CEP85L: variants seen among roughly 807,000 people sequenced by gnomAD.
CEP85L encodes the protein centrosomal protein of 85 kDa-like.
In CEP85L, 60 loss-of-function variants were observed where a neutral mutation model predicts 100.3. That is an observed-to-expected ratio of 0.60 (90% CI 0.49 to 0.74). CEP85L has a LOEUF of 0.74. Ranked by LOEUF, CEP85L falls within the 30% of genes least tolerant of loss-of-function variation. The pLI is 0.00. For synonymous variants in CEP85L, 319 were observed against 322.7 expected (o/e 0.99, Z 0.12); for missense variants, 973 against 936.2 (o/e 1.04, Z -0.51).
At chr6:118,613,027 T>C (rs1186559081) in intron 2 of CEP85L, among the ~76,000 whole-genome samples, 2 of 151,932 alleles carry the variant, frequency 1.3e-5, no homozygotes, top group Non-Finnish European at 2.9e-5. Context: ...GAGACCAGCC[T>C]GACCAACATG....
At chr6:118,586,235 C>A (rs183480702) in intron 2 of CEP85L, among the ~76,000 whole-genome samples, 23 of 152,228 alleles carry the variant, frequency 1.5e-4, no homozygotes, top group Middle Eastern at 3.4e-3. Flanking sequence ...GGCCTTACTA[C>A]GAATAAGAGA....
intron 5 of CEP85L, among the ~76,000 whole-genome samples, chr6:118,495,354 A>G (rs1040615698): frequency 3.3e-5 from 5 of 151,876 alleles, no homozygotes; most frequent in Non-Finnish European, 7.4e-5. Context: ...AATAATCCCT[A>G]TATGTTGAGG....
intron 6 of CEP85L, among the ~76,000 whole-genome samples, chr6:118,486,419 TTTTC>T (rs1774190955): frequency 1.3e-5 from 2 of 152,212 alleles, no homozygotes; most frequent in East Asian, 1.9e-4. Flanking sequence ...ACAAAGTTAC[TTTTC>T]TTTATTATCT....
chr6:118,531,244 A>C (rs1460359091), intron 3 of CEP85L, among the ~76,000 whole-genome samples: 1 of 152,180 alleles, frequency 6.6e-6, no homozygotes, highest in Non-Finnish European at 1.5e-5. Context: ...CAACAAAAAC[A>C]ATCAAAAGAG....
chr6:118,532,179 T>A (rs938625468), intron 3 of CEP85L, among the ~76,000 whole-genome samples: 4 of 152,092 alleles, frequency 2.6e-5, no homozygotes, highest in African/African-American at 9.7e-5. Flanking sequence ...TAATACTACA[T>A]AGCCATAAAA....
At chr6:118,662,854 T>C (rs1247828006) in intron 1 of CEP85L, among the ~76,000 whole-genome samples, 1 of 152,148 alleles carries the variant, frequency 6.6e-6, no homozygotes, top group Non-Finnish European at 1.5e-5. Flanking sequence ...AAGTGGTGCA[T>C]GACGATTTCA....
At chr6:118,652,018 T>A, upstream of CEP85L, 2 of 528,592 alleles carry the variant, frequency 3.8e-6, no homozygotes, top group Non-Finnish European at 4.8e-6. Context: ...GATTGGGATT[T>A]AAATCCTCAT....
intron 3 of CEP85L, among the ~76,000 whole-genome samples, chr6:118,555,389 C>T (rs1444416656): frequency 1.4e-5 from 2 of 147,056 alleles, no homozygotes; most frequent in Non-Finnish European, 3.0e-5. Context: ...GATCGTGCCA[C>T]TGCACTCCAG....
intron 2 of CEP85L, among the ~76,000 whole-genome samples, chr6:118,592,123 T>C (rs1328479008): frequency 2.0e-5 from 3 of 152,166 alleles, no homozygotes; most frequent in African/African-American, 7.2e-5. Flanking sequence ...AATCCTAGTA[T>C]CCTGTTTCTC....
chr6:118,550,155 G>GC (rs1458279649), intron 3 of CEP85L, among the ~76,000 whole-genome samples: 16 of 151,840 alleles, frequency 1.1e-4, no homozygotes, highest in African/African-American at 3.6e-4. Context: ...TTACTAAAAG[G>GC]CGTGACAGCA....
intron 5 of CEP85L, among the ~76,000 whole-genome samples, chr6:118,510,366 G>T (rs955799701): frequency 6.0e-5 from 9 of 151,066 alleles, no homozygotes; most frequent in African/African-American, 1.7e-4. Flanking sequence ...TATATACAGG[G>T]CTCCAAAAAA....
At chr6:118,705,524 G>A (rs1210261643) in intron 1 of CEP85L, among the ~76,000 whole-genome samples, 5 of 152,190 alleles carry the variant, frequency 3.3e-5, no homozygotes, top group African/African-American at 1.2e-4. Flanking sequence ...TTTCCATTAG[G>A]GATCAAGTTA....
intron 1 of CEP85L, among the ~76,000 whole-genome samples, chr6:118,682,137 T>C (rs1414961112): frequency 2.0e-5 from 3 of 152,314 alleles, no homozygotes; most frequent in South Asian, 4.1e-4. Context: ...TTTTTCCATA[T>C]GTAATTAGAA....
chr6:118,534,889 G>GCA (rs1777499767), intron 3 of CEP85L, among the ~76,000 whole-genome samples: 1 of 151,272 alleles, frequency 6.6e-6, no homozygotes, highest in Non-Finnish European at 1.5e-5. Context: ...GTGTGGTGGT[G>GCA]CACACCTGTA....
At chr6:118,649,466 G>C (rs964315048) in intron 1 of CEP85L, among the ~76,000 whole-genome samples, 2 of 152,024 alleles carry the variant, frequency 1.3e-5, no homozygotes, top group Admixed American at 6.6e-5. Context: ...CTTCTTCCTA[G>C]AAAACAATGA....
chr6:118,675,426 T>G (rs180877420), intron 1 of CEP85L, among the ~76,000 whole-genome samples: 7 of 152,188 alleles, frequency 4.6e-5, no homozygotes, highest in Admixed American at 3.3e-4. Flanking sequence ...TGTTGATGGT[T>G]GCACAACTCC....
intron 3 of CEP85L, among the ~76,000 whole-genome samples, chr6:118,547,940 GTTTA>G (rs1005275178): frequency 1.3e-5 from 2 of 151,998 alleles, no homozygotes; most frequent in Non-Finnish European, 2.9e-5. Flanking sequence ...TTATACCTGT[GTTTA>G]TTTTTCTCAT....
intron 2 of CEP85L, among the ~76,000 whole-genome samples, chr6:118,631,559 A>G (rs1774155162): frequency 6.6e-6 from 1 of 152,240 alleles, no homozygotes; most frequent in African/African-American, 2.4e-5. Flanking sequence ...TCAAAAACTG[A>G]AAACATCCCA....
At chr6:118,474,027 G>A (rs145798985) in intron 10 of CEP85L, among the ~76,000 whole-genome samples, 1 of 152,280 alleles carries the variant, frequency 6.6e-6, no homozygotes, top group African/African-American at 2.4e-5. Flanking sequence ...CTTGTAACTT[G>A]ATAAAACTTT....
Sources: allele counts gnomAD v4.1 joint callset (sites outside exome capture counted in the v4.1 genomes callset), GRCh38; gene constraint gnomAD v4.1.1; transcripts MANE v1.5; gene names NCBI Gene and HGNC (gene_info 2026-07-23, HGNC 2026-07-21).